The following XYLT1 variants were observed in gnomAD, a reference collection of about 807,000 sequenced individuals.
The protein encoded by XYLT1 is xylosyltransferase 1.
In XYLT1, 36 loss-of-function variants were observed where a neutral mutation model predicts 91.3. The ratio of observed to expected loss-of-function variants is 0.39; its 90% confidence interval spans 0.30 to 0.52. The LOEUF (loss-of-function observed/expected upper bound fraction) is 0.52, where lower values mean the gene tolerates loss of function less well. Among genes scored for constraint, XYLT1 ranks in the 20% least tolerant of loss-of-function variants. The probability of loss-of-function intolerance (pLI) is 0.68; values close to 1 mark genes in which losing one functional copy is unlikely to be tolerated. For missense variants in XYLT1, 1,242 were observed against 1,284.5 expected (o/e 0.97, Z 0.51); for synonymous variants, 588 against 532.0 (o/e 1.11, Z -1.45).
intron 2 of XYLT1, among the ~76,000 whole-genome samples, chr16:17,337,589 G>A (rs2035000099): frequency 6.6e-6 from 1 of 152,084 alleles, no homozygotes; most frequent in Admixed American, 6.5e-5. Flanking sequence ...TTGGTTACCT[G>A]GGAAAATGGT....
intron 8 of XYLT1, chr16:17,138,096 T>TTTCATATCCCTAAAATGGAATAATA (rs2030817793): frequency 4.7e-6 from 2 of 421,866 alleles, no homozygotes; most frequent in African/African-American, 3.9e-5. Flanking sequence ...GCCTCACAGT[T>TTTCATATCCCTAAAATGGAATAATA]TTCATATCCC....
intron 3 of XYLT1, 144 bp downstream of exon 3, chr16:17,258,844 A>C (rs2033675240): frequency 9.5e-7 from 1 of 1,054,150 alleles, no homozygotes; most frequent in Non-Finnish European, 1.2e-6. Flanking sequence ...GTACTAGAAC[A>C]CATCAGATCT....
At chr16:17,452,480 T>C (rs2036679931) in intron 1 of XYLT1, among the ~76,000 whole-genome samples, 1 of 152,102 alleles carries the variant, frequency 6.6e-6, no homozygotes, top group Non-Finnish European at 1.5e-5. Context: ...TATTTTACTC[T>C]TTCATATTTA....
intron 3 of XYLT1, among the ~76,000 whole-genome samples, chr16:17,219,617 G>A (rs2032929001): frequency 6.6e-6 from 1 of 152,136 alleles, no homozygotes; most frequent in South Asian, 2.1e-4. Flanking sequence ...ATTTAAGCCA[G>A]GGGGCTCCTG....
chr16:17,442,784 G>A (rs565671882), intron 1 of XYLT1, among the ~76,000 whole-genome samples: 2 of 152,248 alleles, frequency 1.3e-5, no homozygotes, highest in South Asian at 4.2e-4. Flanking sequence ...TTCTTTTGGA[G>A]GAAAGACAAA....
chr16:17,226,999 G>A (rs964947599), intron 3 of XYLT1: 4 of 152,186 alleles, frequency 2.6e-5, no homozygotes, highest in Non-Finnish European at 5.9e-5. Flanking sequence ...TTAGCCTGGT[G>A]TCTGGCATAA....
intron 2 of XYLT1, chr16:17,338,007 C>T (rs952212498): frequency 3.1e-5 from 11 of 355,352 alleles, no homozygotes; most frequent in Middle Eastern, 9.8e-4. Flanking sequence ...GAACTCCTGA[C>T]CTCACCCACC....
intron 2 of XYLT1, among the ~76,000 whole-genome samples, chr16:17,290,055 T>G (rs1300024113): frequency 1.3e-5 from 2 of 152,274 alleles, no homozygotes; most frequent in African/African-American, 4.8e-5. Context: ...TTTTGCCTCT[T>G]AGCTGTCCTA....
Position 17,203,123 on chromosome 16 carries a change from C to T in XYLT1, c.914-2469G>A, listed in dbSNP as rs1295111201. On this transcript the variant is annotated intron_variant, in intron 3 of 11. Coordinates refer to ENST00000261381, the MANE Select transcript of XYLT1 (RefSeq NM_022166.4). ...CAGGTCTGATTCCAAAGATCATGCCCTGAACCACTAATACACACCATATGA... is the reference window on the plus strand; with the variant it reads ...CAGGTCTGATTCCAAAGATCATGCCTTGAACCACTAATACACACCATATGA... Among the ~76,000 whole-genome samples, 3 of 152,126 alleles carry T rather than the reference C, an allele frequency of 2.0e-5. No individual in the cohort carries two copies. The East Asian group carries it at 5.8e-4, about 29-fold the overall frequency.
At chr16:17,293,398 A>G (rs1192730042) in intron 2 of XYLT1, among the ~76,000 whole-genome samples, 1 of 151,972 alleles carries the variant, frequency 6.6e-6, no homozygotes, top group African/African-American at 2.4e-5. Flanking sequence ...AGTGGTACCA[A>G]TTAAATAACG....
chr16:17,266,226 G>A (rs2033801112), intron 2 of XYLT1, among the ~76,000 whole-genome samples: 1 of 152,050 alleles, frequency 6.6e-6, no homozygotes, highest in African/African-American at 2.4e-5. Context: ...CTTCAAGCTG[G>A]GACAGAACAT....
At chr16:17,465,143 CAAAAAAAAAAAAAA>C (rs35623153) in intron 1 of XYLT1, among the ~76,000 whole-genome samples, 1 of 35,870 alleles carries the variant, frequency 2.8e-5, no homozygotes, top group East Asian at 9.5e-4. Flanking sequence ...GATGCTGTCT[CAAAAAAAAAAAAAA>C]AAAAAAAAAA....
At chr16:17,157,328 T>G (rs1191468065) in intron 6 of XYLT1, among the ~76,000 whole-genome samples, 1 of 152,254 alleles carries the variant, frequency 6.6e-6, no homozygotes, top group East Asian at 1.9e-4. Flanking sequence ...CTGGGTAAAC[T>G]GTCACAGAGC....
chr16:17,367,909 T>C (rs753807799), intron 1 of XYLT1, among the ~76,000 whole-genome samples: 2 of 152,194 alleles, frequency 1.3e-5, no homozygotes, highest in South Asian at 2.1e-4. Flanking sequence ...AAATTCAGTG[T>C]AGAATGTCAG....
At chr16:17,189,433 A>G (rs1304882507) in intron 5 of XYLT1, among the ~76,000 whole-genome samples, 1 of 152,208 alleles carries the variant, frequency 6.6e-6, no homozygotes, top group Non-Finnish European at 1.5e-5. Flanking sequence ...AGAGTCCTCC[A>G]GCACCACTGC....
At chr16:17,321,342 CTTTTTTTTTTTTTTTTTTTTTTTTT>C (rs10606202) in intron 2 of XYLT1, among the ~76,000 whole-genome samples, 1 of 43,582 alleles carries the variant, frequency 2.3e-5, no homozygotes, top group African/African-American at 8.3e-5. Flanking sequence ...ACTAACTAGC[CTTTTTTTTTTTTTTTTTTTTTTTTT>C]TTTTTTTTTT....
At chr16:17,335,856 G>GT (rs2141842350) in intron 2 of XYLT1, among the ~76,000 whole-genome samples, 1 of 152,136 alleles carries the variant, frequency 6.6e-6, no homozygotes, top group African/African-American at 2.4e-5. Context: ...TCCTAAATTA[G>GT]TGGAAAAACT....
chr16:17,301,535 A>C (rs2141812358), intron 2 of XYLT1, among the ~76,000 whole-genome samples: 1 of 152,248 alleles, frequency 6.6e-6, no homozygotes. Flanking sequence ...ATTAAATTAA[A>C]TTTTTCTTCT....
rs1265071787 is a variant in XYLT1 at position 17,259,139 on chromosome 16, G to T, written c.762C>A (p.Pro254=). The change falls in exon 3 of 12, where the codon CCC becomes CCA. Residue 254 remains proline (P), a synonymous_variant. Coordinates refer to ENST00000261381, the MANE Select transcript of XYLT1 (RefSeq NM_022166.4). ...GSSPETKYDQ[P]PKCDISGKEA... ...CCTTGCCTGAGATGTCACACTTAGG[G>T]GGCTGGTCATACTTGGTCTCGGGGG... 18 of 1,591,910 alleles carry T rather than the reference G, an allele frequency of 1.1e-5. No homozygotes were observed. Among genetic ancestry groups the T allele is most frequent in the Non-Finnish European group, 1.5e-5 (17 of 1,168,968 alleles).
Sources: gnomAD v4.1 joint callset for allele counts (sites outside exome capture counted in the v4.1 genomes callset) on GRCh38, gnomAD v4.1.1 for gene constraint, MANE v1.5 for transcripts, NCBI Gene and HGNC (gene_info 2026-07-23, HGNC 2026-07-21) for gene names.